DCAF4: variants seen among roughly 807,000 people sequenced by gnomAD.
DCAF4 encodes DDB1- and CUL4-associated factor 4.
A neutral mutation model predicts 60.9 loss-of-function variants in DCAF4; 37 were observed. The ratio of observed to expected loss-of-function variants is 0.61; its 90% CI spans 0.47 to 0.80. The LOEUF is 0.80. DCAF4 is among the 30% of genes least tolerant of loss of function. DCAF4 has a pLI of 0.00. For synonymous variants in DCAF4, 243 were observed against 254.8 expected, an observed-to-expected ratio of 0.95 and a Z score of 0.44; for missense variants, 577 against 650.0, an observed-to-expected ratio of 0.89 and a Z score of 1.22.
At chr14:72,938,166 G>C in intron 2 of DCAF4, 96 bp downstream of exon 2, 2 of 1,448,510 alleles carry the variant, frequency 1.4e-6, no homozygotes, top group Non-Finnish European at 1.8e-6. Flanking sequence ...AGATCACCTG[G>C]GGGCTCGTCC....
chr14:72,952,711 T>C (rs1386895027), intron 9 of DCAF4, among the ~76,000 whole-genome samples: 38 of 136,660 alleles, frequency 2.8e-4, no homozygotes, highest in Admixed American at 5.7e-4. Context: ...TTTTTTTTTT[T>C]GAGACGGAGT....
chr14:72,935,524 G>A (rs1223763400), intron 1 of DCAF4, among the ~76,000 whole-genome samples: 2 of 152,222 alleles, frequency 1.3e-5, no homozygotes, highest in Admixed American at 1.3e-4. Flanking sequence ...CAAAGTGTTG[G>A]GATTACAGGC....
intron 4 of DCAF4, among the ~76,000 whole-genome samples, chr14:72,940,709 G>GCCT (rs1264226282): frequency 6.7e-6 from 1 of 149,962 alleles, no homozygotes; most frequent in Non-Finnish European, 1.5e-5. Flanking sequence ...TCCTGCCTCA[G>GCCT]CCTCCTGAGT....
At chr14:72,938,096 C>G (rs1889538610) in intron 2 of DCAF4, 26 bp downstream of exon 2, 1 of 1,576,554 alleles carries the variant, frequency 6.3e-7, no homozygotes, top group South Asian at 1.2e-5. Flanking sequence ...TGGGGAGCCA[C>G]TTTTGCCCAG....
intron 4 of DCAF4, 67 bp downstream of exon 4, chr14:72,940,444 A>G: frequency 6.6e-7 from 1 of 1,510,412 alleles, no homozygotes; most frequent in Non-Finnish European, 8.8e-7. Context: ...TCCACTGTTG[A>G]AAAGGGTGCC....
chr14:72,959,141 T>G lies in DCAF4; in HGVS notation c.*336T>G. ...AAGATTGGCAAAAACGAAAAGCTTC[T>G]TCCTCCAAGAGCCCATTGAAGAAGC... On this transcript the variant is annotated 3_prime_UTR_variant, in exon 14 of 14. Coordinates refer to ENST00000358377, the MANE Select transcript of DCAF4 (RefSeq NM_015604.4). The G allele has an allele frequency of 3.0e-6, 3 of 1,015,896 alleles. No homozygotes were observed. Among genetic ancestry groups the G allele is most frequent in the Non-Finnish European group, 3.5e-6 (3 of 849,340 alleles). The allele number at this position is 1,015,896 out of a possible 1,614,324, so 62.9% of individuals were successfully genotyped here. A position where few individuals can be genotyped will look rare whatever the true frequency, so the allele number is the denominator to read the frequency against.
intron 1 of DCAF4, among the ~76,000 whole-genome samples, chr14:72,927,552 C>T (rs904048684): frequency 1.4e-4 from 22 of 151,850 alleles, no homozygotes; most frequent in East Asian, 3.9e-4. Flanking sequence ...GGGGTTTCAC[C>T]GTGTTAGCCA....
intron 11 of DCAF4, among the ~76,000 whole-genome samples, chr14:72,954,711 T>C (rs1892044968): frequency 3.9e-5 from 6 of 152,172 alleles, no homozygotes; most frequent in Admixed American, 2.0e-4. Context: ...GGAAAGGTAT[T>C]GTGAGCAGTT....
At chr14:72,941,908 G>GGTAGCCAC in intron 5 of DCAF4, 84 bp downstream of exon 5, 1 of 1,451,554 alleles carries the variant, frequency 6.9e-7, no homozygotes, top group Non-Finnish European at 9.6e-7. Flanking sequence ...ATCCAGTCTG[G>GGTAGCCAC]ATAGACCATG....
In DCAF4 at chr14:72,928,187, CTTTTTTTTT is replaced by C. The variant is rs565229070; in HGVS notation, c.-9+1659_-9+1667del. 5.9e-5 allele frequency among the ~76,000 whole-genome samples: 4 copies of C among 67,276 alleles called. 1 individual carries two copies. The highest frequency in any genetic ancestry group is 6.4e-4 in the South Asian group (1 of 1,562). The allele number at this position is 67,276 out of a possible 152,430, so 44.1% of individuals were successfully genotyped here. On this transcript the variant is annotated intron_variant, in intron 1 of 13. Coordinates refer to ENST00000358377, the MANE Select transcript of DCAF4 (RefSeq NM_015604.4). Reference sequence around the variant, plus strand: ...CCCGCTAGTCTACAGAATCCCCCCACTTTTTTTTTTTTTTTTTTTTTTTGATACGGAATT... The same window carrying C: ...CCCGCTAGTCTACAGAATCCCCCCACTTTTTTTTTTTTTTGATACGGAATT...
chr14:72,945,774 C>G, intron 6 of DCAF4, 110 bp from the exon 7 acceptor site: 12 of 1,410,842 alleles, frequency 8.5e-6, no homozygotes, highest in Non-Finnish European at 1.1e-5. Context: ...GAACTCTCAC[C>G]TAGTGAAAAT....
At position 72,929,541 on chromosome 14, in the gene DCAF4, A is replaced by G. The variant is rs1451052100; in HGVS notation, c.-9+2998A>G. 3 of 836,072 alleles carry G rather than the reference A, an allele frequency of 3.6e-6. No individual in the cohort carries two copies. The African/African-American group carries it at 5.1e-5, about 14-fold the overall frequency. The allele number at this position is 836,072 out of a possible 1,614,324, so 51.8% of individuals were successfully genotyped here. A position where few individuals can be genotyped will look rare whatever the true frequency, so the allele number is the denominator to read the frequency against. On this transcript the variant is annotated intron_variant, in intron 1 of 13. Transcript: ENST00000358377. ...AAAGCGAGACCCCGTCTCTACAAAAATATTTTTTATTTTTATTTTATTTTT... is the reference window on the plus strand; with the variant it reads ...AAAGCGAGACCCCGTCTCTACAAAAGTATTTTTTATTTTTATTTTATTTTT...
chr14:72,961,862 C>A, downstream of DCAF4: 1 of 1,091,738 alleles, frequency 9.2e-7, no homozygotes. Context: ...GCATCCTCTC[C>A]AGCAGATGGC....
chr14:72,953,730 A>ATATATATAT (rs1179787420), intron 9 of DCAF4, among the ~76,000 whole-genome samples: 10 of 27,778 alleles, frequency 3.6e-4, no homozygotes, highest in South Asian at 1.7e-3. Context: ...AAAAAAAAAA[A>ATATATATAT]AAATATATAT....
intron 7 of DCAF4, among the ~76,000 whole-genome samples, chr14:72,946,856 C>CACCTTCAG (rs1465407430): frequency 2.6e-5 from 4 of 152,158 alleles, no homozygotes; most frequent in Non-Finnish European, 5.9e-5. Flanking sequence ...AAGTGAGATA[C>CACCTTCAG]ACCTTCAGAG....
intron 8 of DCAF4, among the ~76,000 whole-genome samples, chr14:72,951,269 C>T (rs568187438): frequency 6.6e-6 from 1 of 152,240 alleles, no homozygotes; most frequent in Admixed American, 6.5e-5. Context: ...AGGCAGGAGC[C>T]ACCACACCCA....
chr14:72,930,254 T>C (rs11158996), intron 1 of DCAF4, among the ~76,000 whole-genome samples: 29,622 of 151,728 alleles, frequency 0.2, 3,769 homozygotes, highest in East Asian at 0.44. Flanking sequence ...TTCTTTTTTT[T>C]TTTTGAGACG....
In DCAF4 at chr14:72,954,414, C is replaced by T. The variant is rs1891991346; in HGVS notation, c.936C>T (p.Asn312=). 11 of 1,614,188 alleles carry T rather than the reference C, an allele frequency of 6.8e-6. No homozygotes were observed. Among genetic ancestry groups the T allele is most frequent in the Non-Finnish European group, 9.3e-6 (11 of 1,180,020 alleles). Residue 312 remains asparagine, a synonymous_variant, in exon 11 of 14, where the codon AAC becomes AAT. Transcript: ENST00000358377. ...TGTCTCGGCGGGTCCTGTTGACCAA[C>T]GTGGTGACGGGACACCGGCAGTCCT... ...TGLSRRVLLT[N]VVTGHRQSFG...
downstream of DCAF4, chr14:72,961,868 A>G (rs2806031): frequency 0.96 from 1,045,755 of 1,094,414 alleles, 502,865 homozygotes; most frequent in East Asian, 1. Flanking sequence ...TCTCCAGCAG[A>G]TGGCCACTAC....
Sources: allele counts gnomAD v4.1 joint callset (sites outside exome capture counted in the v4.1 genomes callset), GRCh38; gene constraint gnomAD v4.1.1; transcripts MANE v1.5; gene names NCBI Gene and HGNC (gene_info 2026-07-23, HGNC 2026-07-21).